The following CTPS1 variants were observed in gnomAD, a reference collection of about 807,000 sequenced individuals.
CTPS1 encodes the protein CTP synthetase 1.
In CTPS1, 25 loss-of-function variants were observed where a neutral mutation model predicts 80.5. The ratio of observed to expected loss-of-function variants is 0.31; its 90% CI spans 0.23 to 0.43. CTPS1 has a LOEUF of 0.43. Among genes scored for constraint, CTPS1 ranks in the 20% least tolerant of loss-of-function variants. The pLI, the probability that CTPS1 is intolerant of heterozygous loss-of-function variation, is 1.00. For missense variants in CTPS1, 442 were observed against 725.7 expected, an observed-to-expected ratio of 0.61 and a Z score of 4.49; for synonymous variants, 267 against 252.5, an observed-to-expected ratio of 1.06 and a Z score of -0.54.
intron 1 of CTPS1, chr1:40,980,469 G>C (rs1360834225): frequency 6.6e-6 from 1 of 152,206 alleles, no homozygotes; most frequent in Non-Finnish European, 1.5e-5. Flanking sequence ...CCACGTTTGC[G>C]TGGCGCCCTT....
rs372858150 is a variant in CTPS1, at chr1:40,988,606, G to A, written c.451G>A (p.Val151Met). 9 of 1,613,362 alleles carry A rather than the reference G, an allele frequency of 5.6e-6. No homozygotes were observed. Among genetic ancestry groups the A allele is most frequent in the Non-Finnish European group, 5.9e-6 (7 of 1,179,424 alleles). The change falls in exon 5 of 19, where the codon GTG becomes ATG. Residue 151 changes from valine to methionine, a missense_variant. By Grantham distance (21) the Val-to-Met change is conservative (BLOSUM62 1). Around this residue, in one of 4 missense-constraint regions of CTPS1, gnomAD observed 27 missense variants for 83.6 expected, o/e 0.32. Coordinates refer to ENST00000650070, the MANE Select transcript of CTPS1 (RefSeq NM_001905.4). ...QVCVIELGGT[V>M]GDIESMPFIE... is the part of the protein sequence containing the mutation. ...TTTGTTCTTCTAGCTTGGTGGAACC[G>A]TGGGGGACATAGAAAGCATGCCCTT...
chr1:41,007,398 C>G lies in CTPS1; in HGVS notation c.1297-51C>G. On this transcript the variant is annotated intron_variant, in intron 13 of 18. Transcript: ENST00000650070. The surrounding 1 kb of genome is among the most constrained non-coding windows in gnomAD (Gnocchi z 4.4). Reference sequence around the variant, plus strand: ...CCCACTCAGCGAGGGAGGTTTCTCTCTAGCGGAAGCAGAGTTCTGTAGTTG... The same window carrying G: ...CCCACTCAGCGAGGGAGGTTTCTCTGTAGCGGAAGCAGAGTTCTGTAGTTG... 6.5e-7 allele frequency: 1 copy of G among 1,534,064 alleles called. No individual in the cohort carries two copies. The highest frequency in any genetic ancestry group is 9.0e-7 in the Non-Finnish European group (1 of 1,109,188).
In CTPS1 at chr1:41,007,638, C is replaced by CT. The variant is rs1032904639; in HGVS notation, c.1393+100dup. The stretch of plus-strand genomic sequence containing the variant: ...GCTGTGGCTTCGAGGAGCAGGCTGG[C>CT]TTTTTTTGGTTTCGTTCTTGCTTTT... On this transcript the variant is annotated intron_variant, in intron 14 of 18. Transcript: ENST00000650070. The surrounding 1 kb of genome is among the most constrained non-coding windows in gnomAD (Gnocchi z 4.4). 7.5e-6 allele frequency: 8 copies of CT among 1,060,922 alleles called. No homozygotes were observed. The highest frequency in any genetic ancestry group is 6.3e-5 in the Admixed American group (3 of 47,892). The allele number at this position is 1,060,922 out of a possible 1,614,324, so 65.7% of individuals were successfully genotyped here. A position where few individuals can be genotyped will look rare whatever the true frequency, so the allele number is the denominator to read the frequency against.
chr1:40,991,096 A>G, intron 5 of CTPS1, 69 bp from the exon 6 acceptor site: 1 of 1,145,476 alleles, frequency 8.7e-7, no homozygotes, highest in Non-Finnish European at 1.3e-6. Context: ...AGGTTCAAGG[A>G]AAAGTCATAC....
rs753544057 is a variant in CTPS1 at position 41,008,735 on chromosome 1, G to A, written c.1449+21G>A. ...TTGAGGTGAGGATTCCAGCTTGCTG[G>A]TACTCTGGAAAGATAGTGAGCTGAG... On this transcript the variant is annotated intron_variant, in intron 15 of 18. Transcript: ENST00000650070. 21 of 1,614,008 alleles carry A rather than the reference G, an allele frequency of 1.3e-5. No individual in the cohort carries two copies. The African/African-American group carries it at 2.0e-4, about 15-fold the overall frequency.
intron 11 of CTPS1, 54 bp downstream of exon 11, chr1:41,002,308 G>T: frequency 7.1e-7 from 1 of 1,414,254 alleles, no homozygotes; most frequent in Non-Finnish European, 1.0e-6. Flanking sequence ...AGTGGGGAAC[G>T]GTGCCACGTG....
At chr1:40,997,645 C>CT in intron 9 of CTPS1, 119 bp downstream of exon 9, 1 of 1,245,020 alleles carries the variant, frequency 8.0e-7, no homozygotes, top group Non-Finnish European at 1.1e-6. Flanking sequence ...TAAGGAATTA[C>CT]TTTTTAAGGA....
rs1643098135 is a variant in CTPS1 at position 41,008,803 on chromosome 1, G to C, written c.1459G>C (p.Val487Leu). The C allele has an allele frequency of 6.2e-7, 1 of 1,614,186 alleles. No homozygotes were observed. Among genetic ancestry groups the C allele is most frequent in the Non-Finnish European group, 8.5e-7 (1 of 1,180,020 alleles). ...RHRHRFEVNPVWKKCLEEQGL... is the reference protein window; with the variant it reads ...RHRHRFEVNPLWKKCLEEQGL... Reference sequence around the variant, plus strand: ...TTTCATGCCTCAACAGGTGAATCCAGTCTGGAAAAAGTGTTTGGAAGAACA... The same window carrying C: ...TTTCATGCCTCAACAGGTGAATCCACTCTGGAAAAAGTGTTTGGAAGAACA... Residue 487 changes from valine to leucine, a missense_variant, in exon 16 of 19, where the codon GTC becomes CTC. Around this residue, in one of 4 missense-constraint regions of CTPS1, gnomAD observed 321 missense variants for 467.2 expected, o/e 0.69. Transcript: ENST00000650070.
chr1:40,997,327 C>G, intron 8 of CTPS1, 67 bp from the exon 9 acceptor site: 1 of 1,535,440 alleles, frequency 6.5e-7, no homozygotes, highest in East Asian at 2.3e-5. Context: ...CTTGAAATAG[C>G]TATTTTGGTC....
rs746547553 is a variant in CTPS1, at chr1:41,008,780, T to G, written c.1450-14T>G. On this transcript the variant is annotated splice_polypyrimidine_tract_variant and intron_variant, in intron 15 of 18. Coordinates refer to ENST00000650070, the MANE Select transcript of CTPS1 (RefSeq NM_001905.4). ...GCTGAGAGACCAGCAGAATTATTTT[T>G]CATGCCTCAACAGGTGAATCCAGTC... 6.2e-7 allele frequency: 1 copy of G among 1,614,126 alleles called. No homozygotes were observed. The highest frequency in any genetic ancestry group is 1.1e-5 in the South Asian group (1 of 91,076).
chr1:40,991,800 A>G lies in CTPS1; in HGVS notation c.675A>G (p.Ser225=), dbSNP rs752830298. The change falls in exon 7 of 19, where the codon TCA becomes TCG. Residue 225 remains serine (S), a synonymous_variant. Coordinates refer to ENST00000650070, the MANE Select transcript of CTPS1 (RefSeq NM_001905.4). ...VCRCSNPLDT[S]VKEKISMFCH... is the part of the protein sequence containing the mutation. ...GGTGCTCAAATCCACTTGACACATCAGTGAAGGAGAAAATATCAATGTTCT... is the reference window on the plus strand; with the variant it reads ...GGTGCTCAAATCCACTTGACACATCGGTGAAGGAGAAAATATCAATGTTCT... The G allele has an allele frequency of 7.4e-6, 12 of 1,614,124 alleles. No homozygotes were observed. In the East Asian group the frequency reaches 2.7e-4, roughly 36 times the overall value.
In CTPS1 at chr1:40,991,150, T is replaced by TC; in HGVS notation, c.556-14dup. 1.3e-6 allele frequency: 2 copies of TC among 1,565,226 alleles called. No individual in the cohort carries two copies. Among genetic ancestry groups the TC allele is most frequent in the Non-Finnish European group, 8.6e-7 (1 of 1,161,600 alleles). On this transcript the variant is annotated splice_polypyrimidine_tract_variant and intron_variant, in intron 5 of 18. Transcript: ENST00000650070. ...AGGGAAACTAACTTTTTTTTTTTTT[T>TC]CTTTTGTGAAATAGCCAAGTTCAAC...
intron 7 of CTPS1, among the ~76,000 whole-genome samples, chr1:40,995,216 A>G (rs997650675): frequency 4.0e-5 from 6 of 151,714 alleles, no homozygotes; most frequent in Admixed American, 2.6e-4. Context: ...TGGATCATGA[A>G]TTATTATTAT....
chr1:41,008,741 T>C, intron 15 of CTPS1, 27 bp downstream of exon 15: 1 of 1,614,006 alleles, frequency 6.2e-7, no homozygotes, highest in Non-Finnish European at 8.5e-7. Flanking sequence ...GCTGGTACTC[T>C]GGAAAGATAG....
At chr1:40,990,684 G>C (rs936344674) in intron 5 of CTPS1, among the ~76,000 whole-genome samples, 1 of 152,104 alleles carries the variant, frequency 6.6e-6, no homozygotes, top group Admixed American at 6.6e-5. Flanking sequence ...TGTGTAACGT[G>C]TATCTGTTAA....
intron 9 of CTPS1, 86 bp downstream of exon 9, chr1:40,997,612 G>C: frequency 6.9e-7 from 1 of 1,445,540 alleles, no homozygotes. Flanking sequence ...TCTGCTTTCT[G>C]TTTGGAGCTC....
Position 40,983,619 on chromosome 1 carries a change from CTTTTTT to C in CTPS1, c.166+175_166+180del, listed in dbSNP as rs56179408. Among the ~76,000 whole-genome samples, 15 of 140,310 alleles carry C rather than the reference CTTTTTT, an allele frequency of 1.1e-4. No homozygotes were observed. In the South Asian group the frequency reaches 2.5e-3, roughly 24 times the overall value. The allele number at this position is 140,310 out of a possible 152,430, so 92.0% of individuals were successfully genotyped here. The stretch of plus-strand genomic sequence containing the variant: ...CACCTAGAAAGGAAGAAGCAGAATT[CTTTTTT>C]TTTTTTTTTTTCTTTGAGACAGGAT... On this transcript the variant is annotated intron_variant, in intron 2 of 18. Coordinates refer to ENST00000650070, the MANE Select transcript of CTPS1 (RefSeq NM_001905.4).
chr1:41,005,273 C>T lies in CTPS1; in HGVS notation c.1253-778C>T, dbSNP rs189735730. ...CAGCCTGACCAACATGGAGAAACCCCGTCTCTACTAAAAATACAAAGTTAG... is the reference window on the plus strand; with the variant it reads ...CAGCCTGACCAACATGGAGAAACCCTGTCTCTACTAAAAATACAAAGTTAG... On this transcript the variant is annotated intron_variant, in intron 12 of 18. Transcript: ENST00000650070. 4.7e-3 allele frequency among the ~76,000 whole-genome samples: 718 copies of T among 151,806 alleles called. 9 individuals are homozygous for T. The highest frequency in any genetic ancestry group is 0.017 in the African/African-American group (683 of 41,388).
intron 4 of CTPS1, among the ~76,000 whole-genome samples, chr1:40,988,137 C>T (rs78303256): frequency 0.037 from 5,663 of 152,248 alleles, 184 homozygotes; most frequent in South Asian, 0.13. Flanking sequence ...TGGTCTCTAA[C>T]TCCTGAACTC....
Sources: allele counts gnomAD v4.1 joint callset (sites outside exome capture counted in the v4.1 genomes callset), GRCh38; gene constraint gnomAD v4.1.1; regional missense constraint gnomAD v4.1.1; non-coding constraint Gnocchi (gnomAD v3.1); transcripts MANE v1.5; gene names NCBI Gene and HGNC (gene_info 2026-07-23, HGNC 2026-07-21).